HSPA12A: variants seen among roughly 807,000 people sequenced by gnomAD.
HSPA12A encodes heat shock 70 kDa protein 12A.
Under a neutral mutation model 69.2 loss-of-function variants are expected in HSPA12A, and 28 were observed. That is an observed-to-expected ratio of 0.40 (90% CI 0.30 to 0.55). The LOEUF (loss-of-function observed/expected upper bound fraction) is 0.55, where lower values mean the gene tolerates loss of function less well. HSPA12A is among the 20% of genes least tolerant of loss of function. The pLI is 0.38. For missense variants in HSPA12A, 686 were observed against 900.7 expected, an observed-to-expected ratio of 0.76 and a Z score of 3.05; for synonymous variants, 345 against 370.5, an observed-to-expected ratio of 0.93 and a Z score of 0.79.
At chr10:116,819,007 T>C (rs946370749) in intron 2 of HSPA12A, among the ~76,000 whole-genome samples, 8 of 152,066 alleles carry the variant, frequency 5.3e-5, no homozygotes, top group African/African-American at 1.9e-4. Flanking sequence ...TCTCTCTGGG[T>C]CTGATGTTCC....
intron 2 of HSPA12A, among the ~76,000 whole-genome samples, chr10:116,761,248 G>A (rs1279108908): frequency 2.0e-5 from 3 of 152,142 alleles, no homozygotes; most frequent in East Asian, 3.9e-4. Flanking sequence ...CGCTTTGGGA[G>A]GCCGAGGCAG....
chr10:116,742,814 G>T (rs1247432826), upstream of HSPA12A, among the ~76,000 whole-genome samples: 2 of 151,944 alleles, frequency 1.3e-5, no homozygotes, highest in African/African-American at 2.4e-5. Flanking sequence ...CCCCGCAGTC[G>T]ACCGCGGCGG....
intron 2 of HSPA12A, among the ~76,000 whole-genome samples, chr10:116,799,451 G>A: frequency 6.6e-6 from 1 of 152,188 alleles, no homozygotes; most frequent in East Asian, 1.9e-4. Context: ...TGGGTGACCT[G>A]AACAAACACA....
chr10:116,696,211 T>A (rs1260440194), intron 5 of HSPA12A, among the ~76,000 whole-genome samples: 1 of 151,954 alleles, frequency 6.6e-6, no homozygotes, highest in African/African-American at 2.4e-5. Flanking sequence ...TTTCATAAAT[T>A]CCCCAGTTTG....
chr10:116,719,567 G>T (rs1437004292), intron 1 of HSPA12A, among the ~76,000 whole-genome samples: 1 of 152,224 alleles, frequency 6.6e-6, no homozygotes, highest in African/African-American at 2.4e-5. Context: ...CTGATTCCTA[G>T]TTATGCAATC....
chr10:116,818,527 G>A (rs897825271), intron 2 of HSPA12A, among the ~76,000 whole-genome samples: 4 of 152,106 alleles, frequency 2.6e-5, no homozygotes, highest in Non-Finnish European at 4.4e-5. Context: ...TAGTCAGATC[G>A]TGGTGTCCCA....
In HSPA12A at chr10:116,671,413, A is replaced by G. The variant is rs1431389725; in HGVS notation, c.*3368T>C. ...AACTTTTATATTAGCCATCCACTCAAGCCGTTTCCCAGCATACATATGCAG... is the reference window on the plus strand; with the variant it reads ...AACTTTTATATTAGCCATCCACTCAGGCCGTTTCCCAGCATACATATGCAG... On this transcript the variant is annotated 3_prime_UTR_variant, in exon 12 of 12. Transcript: ENST00000369209. 2.6e-5 allele frequency: 4 copies of G among 152,210 alleles called. No homozygotes were observed. Among genetic ancestry groups the G allele is most frequent in the Non-Finnish European group, 5.9e-5 (4 of 68,040 alleles). 9.4% of individuals were successfully genotyped at this position (152,210 alleles called of 1,614,324 possible). A position where few individuals can be genotyped will look rare whatever the true frequency, so the allele number is the denominator to read the frequency against.
At chr10:116,779,982 A>G (rs1208179106) in intron 2 of HSPA12A, among the ~76,000 whole-genome samples, 1 of 152,164 alleles carries the variant, frequency 6.6e-6, no homozygotes, top group African/African-American at 2.4e-5. Flanking sequence ...ACCTACCTAG[A>G]GGAGGCAGGC....
chr10:116,746,683 T>C (rs1851657476), upstream of HSPA12A, among the ~76,000 whole-genome samples: 1 of 152,234 alleles, frequency 6.6e-6, no homozygotes, highest in South Asian at 2.1e-4. Context: ...ACTGTTAATA[T>C]GACTTATTTA....
At chr10:116,791,326 GA>G (rs1844696929) in intron 2 of HSPA12A, among the ~76,000 whole-genome samples, 1 of 152,240 alleles carries the variant, frequency 6.6e-6, no homozygotes, top group Admixed American at 6.5e-5. Context: ...AAATCTGACA[GA>G]ACCTTTTCAA....
At chr10:116,816,625 A>T (rs1845310750) in intron 2 of HSPA12A, among the ~76,000 whole-genome samples, 1 of 152,198 alleles carries the variant, frequency 6.6e-6, no homozygotes, top group Non-Finnish European at 1.5e-5. Context: ...TGCTCACGTA[A>T]AACAGCCCCG....
intron 7 of HSPA12A, 49 bp from the exon 8 acceptor site, chr10:116,681,926 A>G: frequency 1.3e-6 from 2 of 1,563,788 alleles, no homozygotes; most frequent in Non-Finnish European, 1.8e-6. Context: ...AGCATGAAAA[A>G]GCAGAGATCA....
chr10:116,750,038 C>T (rs1554888167), intron 2 of HSPA12A: 1 of 272,842 alleles, frequency 3.7e-6, no homozygotes. Context: ...GTACAACATG[C>T]CCAAATACAG....
chr10:116,838,219 C>T (rs1014282207), intron 1 of HSPA12A, among the ~76,000 whole-genome samples: 4 of 150,904 alleles, frequency 2.7e-5, no homozygotes, highest in Non-Finnish European at 5.9e-5. Context: ...CTTGGACTAT[C>T]GAGGCTGGAA....
chr10:116,785,496 C>G (rs996772887), intron 2 of HSPA12A, among the ~76,000 whole-genome samples: 6 of 152,144 alleles, frequency 3.9e-5, no homozygotes, highest in African/African-American at 1.4e-4. Flanking sequence ...CCCAGGACGG[C>G]TGTCCCCCAC....
chr10:116,814,195 T>C (rs1845253615), intron 2 of HSPA12A, among the ~76,000 whole-genome samples: 1 of 152,172 alleles, frequency 6.6e-6, no homozygotes. Context: ...AGTCAGTAGA[T>C]GGTTTAAAGG....
upstream of HSPA12A, chr10:116,850,006 C>A: frequency 3.3e-6 from 2 of 612,140 alleles, no homozygotes; most frequent in South Asian, 1.8e-5. Flanking sequence ...CAGGGGCTGG[C>A]AGGCTTCCTC....
intron 1 of HSPA12A, among the ~76,000 whole-genome samples, chr10:116,712,203 C>CT (rs1850456229): frequency 6.6e-6 from 1 of 152,078 alleles, no homozygotes; most frequent in Admixed American, 6.5e-5. Flanking sequence ...AGCAGAAAAT[C>CT]TTTTTTAACT....
chr10:116,684,967 A>G (rs1554879316), intron 6 of HSPA12A, among the ~76,000 whole-genome samples: 1 of 152,160 alleles, frequency 6.6e-6, no homozygotes, highest in Non-Finnish European at 1.5e-5. Context: ...GGCACCTCTC[A>G]TGGCCTTGAG....
Sources: allele counts gnomAD v4.1 joint callset (sites outside exome capture counted in the v4.1 genomes callset), GRCh38; gene constraint gnomAD v4.1.1; transcripts MANE v1.5; gene names NCBI Gene and HGNC (gene_info 2026-07-23, HGNC 2026-07-21).